C4orf54: variants seen among roughly 807,000 people sequenced by gnomAD.
C4orf54 encodes uncharacterized protein C4orf54.
A neutral mutation model predicts 80.1 loss-of-function variants in C4orf54; 67 were observed. That is an observed-to-expected ratio of 0.84 (90% CI 0.69 to 1.03). The LOEUF (loss-of-function observed/expected upper bound fraction) is 1.03. Among genes scored for constraint, C4orf54 ranks in the 50% least tolerant of loss-of-function variants. The probability of loss-of-function intolerance (pLI) is 0.00; values close to 1 mark genes in which losing one functional copy is unlikely to be tolerated. For synonymous variants in C4orf54, 1,000 were observed against 917.0 expected (o/e 1.09, Z -1.64); for missense variants, 2,434 against 2,253.5 (o/e 1.08, Z -1.62).
chr4:99,648,946 C>T (rs2110251372), intron 2 of C4orf54, among the ~76,000 whole-genome samples: 1 of 152,248 alleles, frequency 6.6e-6, no homozygotes, highest in East Asian at 1.9e-4. Context: ...ACTGAAGGAA[C>T]AGACCCAAGG....
rs1726576454 is a variant in C4orf54, at chr4:99,639,902, T to G, written c.*1331A>C. ...AAATAATATTAGGGTGTTTAAAAAA[T>G]TACCAGAATGCTTTATCTTTAAACA... On this transcript the variant is annotated 3_prime_UTR_variant, in exon 3 of 3. Coordinates refer to ENST00000511828, the MANE Select transcript of C4orf54 (RefSeq NM_001354435.2). The G allele has an allele frequency of 6.6e-6, 1 of 151,978 alleles. No individual in the cohort carries two copies. Among genetic ancestry groups the G allele is most frequent in the Admixed American group, 6.6e-5 (1 of 15,252 alleles). 9.4% of individuals were successfully genotyped at this position (151,978 alleles called of 1,614,324 possible). A position where few individuals can be genotyped will look rare whatever the true frequency, so the allele number is the denominator to read the frequency against.
At position 99,639,059 on chromosome 4, in the gene C4orf54, G is replaced by T. The variant is rs183298537; in HGVS notation, c.*2174C>A. On this transcript the variant is annotated 3_prime_UTR_variant, in exon 3 of 3. Transcript: ENST00000511828. ...TGAGAAACACTGATACATAGATTAG[G>T]GGTCCCAAGCCCTCAACTCTACCAC... is the stretch of plus-strand genomic sequence containing the variant. The T allele has an allele frequency of 6.6e-6, 1 of 152,044 alleles. No individual in the cohort carries two copies. Among genetic ancestry groups the T allele is most frequent in the Non-Finnish European group, 1.5e-5 (1 of 67,986 alleles). 9.4% of individuals were successfully genotyped at this position (152,044 alleles called of 1,614,324 possible).
At position 99,651,798 on chromosome 4, in the gene C4orf54, CT is replaced by C; in HGVS notation, c.2850del (p.Glu951ArgfsTer11). On this transcript the variant is annotated frameshift_variant, in exon 2 of 3. Transcript: ENST00000511828. LOFTEE classifies it high-confidence loss of function. ...GCTTGTTCCTCCCTCTTCTCGGCCT[CT>C]TTCTCCTTCCATGACCGGAACGCAC... Reference protein sequence around the residue: ...QNSAFRSWKEKEAEKREEQAP... With the variant: ...QNSAFRSWKEXEAEKREEQAP... 1 of 1,536,144 alleles carries C rather than the reference CT, an allele frequency of 6.5e-7. No individual in the cohort carries two copies. The highest frequency in any genetic ancestry group is 8.7e-7 in the Non-Finnish European group (1 of 1,146,918).
Position 99,640,534 on chromosome 4 carries a change from C to A in C4orf54, c.*699G>T, listed in dbSNP as rs7437351. ...TGGCTTTCCAGTATTTCAAGCCATTCTATTTTAAGGCAACAAATAGTGTCG... is the reference window on the plus strand; with the variant it reads ...TGGCTTTCCAGTATTTCAAGCCATTATATTTTAAGGCAACAAATAGTGTCG... On this transcript the variant is annotated 3_prime_UTR_variant, in exon 3 of 3. Coordinates refer to ENST00000511828, the MANE Select transcript of C4orf54 (RefSeq NM_001354435.2). The A allele has an allele frequency of 6.6e-6, 1 of 152,164 alleles. No individual in the cohort carries two copies. 9.4% of individuals were successfully genotyped at this position (152,164 alleles called of 1,614,324 possible).
chr4:99,646,289 G>A (rs1024680876), intron 2 of C4orf54, among the ~76,000 whole-genome samples: 1 of 152,170 alleles, frequency 6.6e-6, no homozygotes, highest in African/African-American at 2.4e-5. Flanking sequence ...TGTGTTATCC[G>A]TATGTGGGTT....
intron 2 of C4orf54, among the ~76,000 whole-genome samples, chr4:99,644,762 C>A (rs1578268804): frequency 7.5e-6 from 1 of 133,202 alleles, no homozygotes. Flanking sequence ...AAAAAAACTA[C>A]AAAAAAAGTG....
At position 99,650,111 on chromosome 4, in the gene C4orf54, C is replaced by G; in HGVS notation, c.4538G>C (p.Ser1513Thr). ...LCSLPPLSAR[S>T]QVPSSSKGSQ... ...GCCTTTGGAGCTACTGGGGACCTGA[C>G]TGCGGGCACTCAGCGGGGGTAAACT... is the stretch of plus-strand genomic sequence containing the variant. Residue 1513 changes from serine (S) to threonine (T), a missense_variant, in exon 2 of 3, where the codon AGT becomes ACT. Ser to Thr is a moderately conservative substitution (Grantham distance 58). Transcript: ENST00000511828. 6.5e-7 allele frequency: 1 copy of G among 1,535,894 alleles called. No homozygotes were observed. Among genetic ancestry groups the G allele is most frequent in the South Asian group, 1.2e-5 (1 of 84,052 alleles).
rs1467733551 is a variant in C4orf54 at position 99,652,924 on chromosome 4, C to A, written c.1725G>T (p.Val575=). ...TGAATTTCTTTGCATGGTCCTGAGC[C>A]ACTGCTGCAGCCGGGTTTTGCTTCA... The part of the protein sequence containing the change: ...SSLKQNPAAA[V]AQDHAKKFIA... The change falls in exon 2 of 3, where the codon GTG becomes GTT. Residue 575 remains valine (V), a synonymous_variant. Coordinates refer to ENST00000511828, the MANE Select transcript of C4orf54 (RefSeq NM_001354435.2). The A allele has an allele frequency of 6.5e-7, 1 of 1,536,170 alleles. No homozygotes were observed. Among genetic ancestry groups the A allele is most frequent in the Admixed American group, 2.0e-5 (1 of 51,012 alleles).
At position 99,649,653 on chromosome 4, in the gene C4orf54, C is replaced by T; in HGVS notation, c.4996G>A (p.Ala1666Thr). 5 of 1,536,076 alleles carry T rather than the reference C, an allele frequency of 3.3e-6. No homozygotes were observed. Among genetic ancestry groups the T allele is most frequent in the Non-Finnish European group, 4.4e-6 (5 of 1,146,898 alleles). ...APMSISVPPL[A>T]LSPGAYGPTY... ...GGTCCATAAGCCCCAGGACTCAGGG[C>T]CAAGGGAGGCACAGAGATGGACATG... The change falls in exon 2 of 3, where the codon GCC becomes ACC. Residue 1666 changes from alanine to threonine, a missense_variant. Coordinates refer to ENST00000511828, the MANE Select transcript of C4orf54 (RefSeq NM_001354435.2).
chr4:99,654,681 T>A lies in C4orf54; in HGVS notation c.-31-2A>T. ...TTCTTGTGAAGCCTTGTCCCTTTCCTGGATGGGGCGAGAGAAGGTCACGTC... is the reference window on the plus strand; with the variant it reads ...TTCTTGTGAAGCCTTGTCCCTTTCCAGGATGGGGCGAGAGAAGGTCACGTC... On this transcript the variant is annotated splice_acceptor_variant, in intron 1 of 2. Coordinates refer to ENST00000511828, the MANE Select transcript of C4orf54 (RefSeq NM_001354435.2). LOFTEE classifies it low-confidence loss of function (5UTR_SPLICE). 1.5e-6 allele frequency: 1 copy of A among 668,440 alleles called. No individual in the cohort carries two copies. The highest frequency in any genetic ancestry group is 2.8e-6 in the Non-Finnish European group (1 of 362,022). The allele number at this position is 668,440 out of a possible 1,614,324, so 41.4% of individuals were successfully genotyped here.
chr4:99,652,979 G>A lies in C4orf54; in HGVS notation c.1670C>T (p.Ser557Phe). The change falls in exon 2 of 3, where the codon TCT becomes TTT. Residue 557 changes from serine to phenylalanine, a missense_variant. By Grantham distance (155) the Ser-to-Phe change is radical. Coordinates refer to ENST00000511828, the MANE Select transcript of C4orf54 (RefSeq NM_001354435.2). Reference protein sequence around the residue: ...KHEGDMSLRVSTAAEHNSSSL... With the variant: ...KHEGDMSLRVFTAAEHNSSSL... ...ACTTGAATTGTGTTCAGCAGCTGTA[G>A]AGACGCGGAGGCTCATGTCGCCTTC... is the stretch of plus-strand genomic sequence containing the variant. 2 of 1,536,214 alleles carry A rather than the reference G, an allele frequency of 1.3e-6. No individual in the cohort carries two copies. Among genetic ancestry groups the A allele is most frequent in the Non-Finnish European group, 1.7e-6 (2 of 1,146,936 alleles).
At chr4:99,655,891 C>A (rs749010580) in intron 1 of C4orf54, among the ~76,000 whole-genome samples, 1 of 152,186 alleles carries the variant, frequency 6.6e-6, no homozygotes, top group African/African-American at 2.4e-5. Context: ...CACCATCAAC[C>A]ATCCCCTTTC....
Position 99,653,178 on chromosome 4 carries a change from T to A in C4orf54, c.1471A>T (p.Thr491Ser). ...PPTGPGTAPLTEPLPETPEAA... is the reference protein window; with the variant it reads ...PPTGPGTAPLSEPLPETPEAA... The stretch of plus-strand genomic sequence containing the variant: ...TCCGGGGTCTCAGGCAAGGGCTCAG[T>A]CAGGGGGGCAGTGCCAGGCCCAGTG... Residue 491 changes from threonine (T) to serine (S), a missense_variant, in exon 2 of 3, where the codon ACT (threonine) becomes TCT (serine). By Grantham distance (58) the Thr-to-Ser change is moderately conservative (BLOSUM62 1). Coordinates refer to ENST00000511828, the MANE Select transcript of C4orf54 (RefSeq NM_001354435.2). 6.5e-7 allele frequency: 1 copy of A among 1,535,988 alleles called. No individual in the cohort carries two copies. The highest frequency in any genetic ancestry group is 8.7e-7 in the Non-Finnish European group (1 of 1,146,850).
At position 99,653,190 on chromosome 4, in the gene C4orf54, T is replaced by G; in HGVS notation, c.1459A>C (p.Thr487Pro). The G allele has an allele frequency of 6.5e-7, 1 of 1,535,766 alleles. No homozygotes were observed. Among genetic ancestry groups the G allele is most frequent in the South Asian group, 1.2e-5 (1 of 84,022 alleles). ...GGCAAGGGCTCAGTCAGGGGGGCAG[T>G]GCCAGGCCCAGTGGGTGGGGGAGTG... is the stretch of plus-strand genomic sequence containing the variant. ...GPTPPPTGPG[T>P]APLTEPLPET... Residue 487 changes from threonine to proline, a missense_variant, in exon 2 of 3, where the codon ACT (threonine) becomes CCT (proline). Physicochemically the swap from Thr to Pro is conservative, Grantham distance 38. Transcript: ENST00000511828.
At chr4:99,648,059 T>A (rs990655521) in intron 2 of C4orf54, among the ~76,000 whole-genome samples, 3 of 151,828 alleles carry the variant, frequency 2.0e-5, no homozygotes, top group African/African-American at 7.3e-5. Context: ...TTTCTTTTTT[T>A]TTTTTGGTTC....
At position 99,638,875 on chromosome 4, in the gene C4orf54, G is replaced by A. The variant is rs192289505; in HGVS notation, c.*2358C>T. ...GATATTAATAGAACATTATTTAAAA[G>A]TTGCGTTTTTAGCCACTTGGACATC... On this transcript the variant is annotated 3_prime_UTR_variant, in exon 3 of 3. Transcript: ENST00000511828. The A allele has an allele frequency of 8.5e-5, 13 of 152,252 alleles. No homozygotes were observed. In the East Asian group the frequency reaches 2.3e-3, roughly 27 times the overall value. 9.4% of individuals were successfully genotyped at this position (152,252 alleles called of 1,614,324 possible). A position where few individuals can be genotyped will look rare whatever the true frequency, so the allele number is the denominator to read the frequency against.
In C4orf54 at chr4:99,653,579, C is replaced by T. The variant is rs901001786; in HGVS notation, c.1070G>A (p.Arg357Lys). ...RDIIAKSQGS[R>K]DPPKVEEAHY... ...AGCCTCTTCGACTTTGGGGGGGTCC[C>T]TGCTGCCCTGGGACTTGGCAATAAT... The change falls in exon 2 of 3, where the codon AGG becomes AAG. Residue 357 changes from arginine (R) to lysine (K), a missense_variant. Physicochemically the swap from Arg to Lys is conservative, Grantham distance 26 (BLOSUM62 2). Coordinates refer to ENST00000511828, the MANE Select transcript of C4orf54 (RefSeq NM_001354435.2). 29 of 1,535,930 alleles carry T rather than the reference C, an allele frequency of 1.9e-5. No homozygotes were observed. In the Admixed American group the frequency reaches 5.3e-4, roughly 28 times the overall value.
At position 99,643,785 on chromosome 4, in the gene C4orf54, CACACACA is replaced by C. The variant is rs1726647672; in HGVS notation, c.*37-2596_*37-2590del. Among the ~76,000 whole-genome samples the C allele has an allele frequency of 1.2e-3, 161 of 130,898 alleles. 1 individual carries two copies. The highest frequency in any genetic ancestry group is 1.9e-3 in the African/African-American group (58 of 30,952). 85.9% of individuals were successfully genotyped at this position (130,898 alleles called of 152,430 possible). On this transcript the variant is annotated intron_variant, in intron 2 of 2. Coordinates refer to ENST00000511828, the MANE Select transcript of C4orf54 (RefSeq NM_001354435.2). ...ACACACACACACACACACACACACA[CACACACA>C]CCCCCTCCGCGGCAGTAAAACGGCC...
Position 99,653,177 on chromosome 4 carries a change from G to T in C4orf54, c.1472C>A (p.Thr491Asn). 6.5e-7 allele frequency: 1 copy of T among 1,536,120 alleles called. No homozygotes were observed. The highest frequency in any genetic ancestry group is 1.4e-5 in the African/African-American group (1 of 73,170). ...PPTGPGTAPL[T>N]EPLPETPEAA... ...CTCCGGGGTCTCAGGCAAGGGCTCA[G>T]TCAGGGGGGCAGTGCCAGGCCCAGT... Residue 491 changes from threonine (T) to asparagine (N), a missense_variant, in exon 2 of 3, where the codon ACT becomes AAT. Thr to Asn is a moderately conservative substitution (Grantham distance 65). Coordinates refer to ENST00000511828, the MANE Select transcript of C4orf54 (RefSeq NM_001354435.2).
Sources: gnomAD v4.1 joint callset for allele counts (sites outside exome capture counted in the v4.1 genomes callset) on GRCh38, gnomAD v4.1.1 for gene constraint, MANE v1.5 for transcripts, NCBI Gene and HGNC (gene_info 2026-07-23, HGNC 2026-07-21) for gene names.